The following LINGO2 variants were observed in gnomAD, a reference collection of about 807,000 sequenced individuals.
LINGO2 encodes the protein leucine rich repeat and Ig domain containing 2.
LINGO2 carries 14 observed loss-of-function variants against 30.6 expected under a neutral mutation model. That is an observed-to-expected ratio of 0.46 (90% CI 0.30 to 0.72). The LOEUF is 0.72. LINGO2 is among the 30% of genes least tolerant of loss of function. The pLI, the probability that LINGO2 is intolerant of heterozygous loss-of-function variation, is 0.07. For synonymous variants in LINGO2, 317 were observed against 288.5 expected (o/e 1.10, Z -1.00); for missense variants, 729 against 751.7 (o/e 0.97, Z 0.35).
chr9:28,146,742 T>C (rs564175414), intron 4 of LINGO2, among the ~76,000 whole-genome samples: 31 of 152,326 alleles, frequency 2.0e-4, no homozygotes, highest in East Asian at 3.9e-4. Flanking sequence ...TAGGGCATCA[T>C]GTGTGGTGAA....
chr9:28,874,987 A>G, the LINGO2 span, among the ~76,000 whole-genome samples: 1 of 152,108 alleles, frequency 6.6e-6, no homozygotes, highest in Non-Finnish European at 1.5e-5. Flanking sequence ...CCTAGTGAAC[A>G]CCAAAAACAT....
chr9:28,310,217 C>T (rs1356877590), intron 3 of LINGO2, among the ~76,000 whole-genome samples: 1 of 152,182 alleles, frequency 6.6e-6, no homozygotes, highest in African/African-American at 2.4e-5. Flanking sequence ...GAACATATGA[C>T]ATACAAACAC....
chr9:27,949,602 A>C, exon 6 of LINGO2: 1 of 1,614,096 alleles, frequency 6.2e-7, no homozygotes, highest in Non-Finnish European at 8.5e-7. Flanking sequence ...GTCACAGGCC[A>C]GAGGGTTGTT....
intron 2 of LINGO2, among the ~76,000 whole-genome samples, chr9:28,457,600 TA>T (rs905758344): frequency 2.0e-5 from 3 of 150,706 alleles, no homozygotes; most frequent in Non-Finnish European, 4.4e-5. Flanking sequence ...AAACAAAAAT[TA>T]AAAAAAAACC....
At position 28,643,990 on chromosome 9, in the gene LINGO2, C is replaced by T. The variant is rs75719316; in HGVS notation, c.-365+26210G>A. 6.1e-3 allele frequency among the ~76,000 whole-genome samples: 933 copies of T among 152,086 alleles called. 8 individuals are homozygous for T. The highest frequency in any genetic ancestry group is 0.01 in the Non-Finnish European group (710 of 67,930). On this transcript the variant is annotated intron_variant, in intron 1 of 5. Coordinates refer to ENST00000379992, the Ensembl canonical transcript of LINGO2. ...AGCCAAAACTCCGATAAGATAGCAT[C>T]TCAACCCAGTTAAAGTGGCTTATAT...
the LINGO2 span, among the ~76,000 whole-genome samples, chr9:29,067,936 G>C: frequency 0.39 from 59,485 of 151,442 alleles, 12,072 homozygotes; most frequent in African/African-American, 0.49. Context: ...TTAAAAACTA[G>C]TTTTAGAATA....
intron 4 of LINGO2, among the ~76,000 whole-genome samples, chr9:28,049,900 A>G (rs2133051921): frequency 6.6e-6 from 1 of 150,918 alleles, no homozygotes; most frequent in Admixed American, 6.6e-5. Flanking sequence ...CAACATGATC[A>G]GGGTTGTTTT....
the LINGO2 span, among the ~76,000 whole-genome samples, chr9:28,988,628 G>A: frequency 1.3e-5 from 2 of 152,290 alleles, no homozygotes; most frequent in African/African-American, 2.4e-5. Context: ...TAGCCATACA[G>A]TTACCCACAA....
chr9:29,033,934 T>A, the LINGO2 span, among the ~76,000 whole-genome samples: 1 of 151,814 alleles, frequency 6.6e-6, no homozygotes, highest in African/African-American at 2.4e-5. Flanking sequence ...CACAAAAAAT[T>A]AGCTGGGCAT....
chr9:28,825,096 C>T, the LINGO2 span, among the ~76,000 whole-genome samples: 1 of 152,004 alleles, frequency 6.6e-6, no homozygotes, highest in African/African-American at 2.4e-5. Flanking sequence ...TTATTTGGTC[C>T]AACTCCTTCA....
chr9:28,092,346 C>T (rs1826116707), intron 4 of LINGO2, among the ~76,000 whole-genome samples: 1 of 152,016 alleles, frequency 6.6e-6, no homozygotes, highest in African/African-American at 2.4e-5. Context: ...CACATATACA[C>T]CATGGAATAC....
At chr9:29,015,616 T>G in the LINGO2 span, among the ~76,000 whole-genome samples, 2 of 152,148 alleles carry the variant, frequency 1.3e-5, no homozygotes, top group African/African-American at 2.4e-5. Context: ...GTCTATACAA[T>G]GTCAGTGTCA....
In LINGO2 at chr9:28,172,031, A is replaced by AAAAC. The variant is rs1554682046; in HGVS notation, c.-87+123176_-87+123177insGTTT. Among the ~76,000 whole-genome samples, 292 of 75,816 alleles carry AAAAC rather than the reference A, an allele frequency of 3.9e-3. 6 individuals are homozygous for AAAAC. Among genetic ancestry groups the AAAAC allele is most frequent in the African/African-American group, 0.02 (270 of 13,648 alleles). 49.7% of individuals were successfully genotyped at this position (75,816 alleles called of 152,430 possible). A position where few individuals can be genotyped will look rare whatever the true frequency, so the allele number is the denominator to read the frequency against. The stretch of plus-strand genomic sequence containing the variant: ...GACTCCGTCTCAAAAAAAAAAAAAA[A>AAAAC]AACAAAAAAAAAAACCCAGCATCTC... On this transcript the variant is annotated intron_variant, in intron 4 of 5. Transcript: ENST00000379992.
At chr9:29,078,534 G>T in the LINGO2 span, among the ~76,000 whole-genome samples, 1 of 151,894 alleles carries the variant, frequency 6.6e-6, no homozygotes, top group South Asian at 2.1e-4. Flanking sequence ...AACTTTCACT[G>T]ACATTGGTAT....
Position 28,379,448 on chromosome 9 carries a change from TAC to T in LINGO2, c.-278-6582_-278-6581del, listed in dbSNP as rs548509041. ...AATCAGAAGCCCAGGATTTAGTCTA[TAC>T]TCTGCTCCAATTGGTTATCTATCTG... On this transcript the variant is annotated intron_variant, in intron 2 of 5. Transcript: ENST00000379992. Among the ~76,000 whole-genome samples the T allele has an allele frequency of 3.3e-5, 5 of 152,260 alleles. No individual in the cohort carries two copies. The East Asian group carries it at 9.7e-4, about 29-fold the overall frequency.
At chr9:28,893,456 C>T in the LINGO2 span, among the ~76,000 whole-genome samples, 1 of 151,854 alleles carries the variant, frequency 6.6e-6, no homozygotes, top group Non-Finnish European at 1.5e-5. Flanking sequence ...AAAAGTCATG[C>T]AGTTTTTTAA....
At chr9:28,199,340 T>C (rs1251493493) in intron 4 of LINGO2, among the ~76,000 whole-genome samples, 2 of 118,454 alleles carry the variant, frequency 1.7e-5, no homozygotes, top group Admixed American at 8.1e-5. Flanking sequence ...TTCTTCTTCT[T>C]CTTCTTTTTT....
At chr9:28,623,491 G>A (rs1320329078) in intron 1 of LINGO2, among the ~76,000 whole-genome samples, 1 of 151,810 alleles carries the variant, frequency 6.6e-6, no homozygotes, top group Non-Finnish European at 1.5e-5. Flanking sequence ...TGTCAAATAC[G>A]AGTTCACTTT....
chr9:28,313,350 C>A (rs530640936), intron 3 of LINGO2, among the ~76,000 whole-genome samples: 1 of 152,094 alleles, frequency 6.6e-6, no homozygotes, highest in South Asian at 2.1e-4. Flanking sequence ...GGGAAAGATC[C>A]AGAAGGCCCA....
Sources: gnomAD v4.1 joint callset for allele counts (sites outside exome capture counted in the v4.1 genomes callset) on GRCh38, gnomAD v4.1.1 for gene constraint, MANE v1.5 for transcripts, NCBI Gene and HGNC (gene_info 2026-07-23, HGNC 2026-07-21) for gene names.